BTAF1: variants seen among roughly 807,000 people sequenced by gnomAD.
BTAF1 encodes TATA-binding protein-associated factor 172.
In BTAF1, 38 loss-of-function variants were observed where a neutral mutation model predicts 227.1. The observed-to-expected ratio is 0.17, with a 90% CI of 0.13 to 0.22. The LOEUF is 0.22. Ranked by LOEUF, BTAF1 falls within the 10% of genes least tolerant of loss-of-function variation. The pLI is 1.00. For missense variants in BTAF1, 1,598 were observed against 2,204.0 expected, an observed-to-expected ratio of 0.73 and a Z score of 5.51; for synonymous variants, 742 against 751.9, an observed-to-expected ratio of 0.99 and a Z score of 0.21.
rs1269637330 is a variant in BTAF1, at chr10:92,029,027, A to G, written c.*94A>G. 2.6e-6 allele frequency: 3 copies of G among 1,135,944 alleles called. No homozygotes were observed. The highest frequency in any genetic ancestry group is 1.7e-5 in the South Asian group (1 of 58,518). The allele number at this position is 1,135,944 out of a possible 1,614,324, so 70.4% of individuals were successfully genotyped here. The stretch of plus-strand genomic sequence containing the variant: ...AAGTTTATGGTGAACTTTTAACTCA[A>G]TGTGTAAATAGATCTGGAGAATATT... On this transcript the variant is annotated 3_prime_UTR_variant, in exon 38 of 38. Coordinates refer to ENST00000265990, the MANE Select transcript of BTAF1 (RefSeq NM_003972.3).
rs1198665406 is a variant in BTAF1, at chr10:92,016,431, AACCAAAGCTTAAAGC to A, written c.4677_4691del (p.Lys1559_Ala1564delinsAsn). 6.3e-7 allele frequency: 1 copy of A among 1,591,996 alleles called. No individual in the cohort carries two copies. The highest frequency in any genetic ancestry group is 2.3e-5 in the East Asian group (1 of 43,972). On this transcript the variant is annotated inframe_deletion, in exon 33 of 38. Transcript: ENST00000265990. Reference sequence around the variant, plus strand: ...GCTACACTTTCTGAAGAAACTGAAAAACCAAAGCTTAAAGCTACAGGCCACGTATTCCAGGTATAG... The same window carrying A: ...GCTACACTTTCTGAAGAAACTGAAAATACAGGCCACGTATTCCAGGTATAG...
chr10:91,997,406 C>A (rs185511220), intron 24 of BTAF1, among the ~76,000 whole-genome samples, 197 bp from the exon 25 acceptor site: 2 of 152,244 alleles, frequency 1.3e-5, no homozygotes, highest in East Asian at 3.9e-4. Flanking sequence ...GAGAAAGTTA[C>A]ATAATATTTT....
intron 1 of BTAF1, among the ~76,000 whole-genome samples, chr10:91,928,139 A>C (rs1843998883): frequency 6.6e-6 from 1 of 152,020 alleles, no homozygotes; most frequent in African/African-American, 2.4e-5. Flanking sequence ...ATAATATAGT[A>C]AATTCTGTGA....
rs904163751 is a variant in BTAF1 at position 91,953,587 on chromosome 10, A to G, written c.565-150A>G. ...AAAAGACTGAAATTATGGTACAGTC[A>G]TACAACAAAAGAGTGTGAACCTGTC... is the stretch of plus-strand genomic sequence containing the variant. On this transcript the variant is annotated intron_variant, in intron 5 of 37. Transcript: ENST00000265990. 20 of 831,854 alleles carry G rather than the reference A, an allele frequency of 2.4e-5. No homozygotes were observed. The African/African-American group carries it at 2.6e-4, about 11-fold the overall frequency. The allele number at this position is 831,854 out of a possible 1,614,324, so 51.5% of individuals were successfully genotyped here.
chr10:91,932,628 G>A (rs967026269), intron 1 of BTAF1, among the ~76,000 whole-genome samples: 1 of 152,276 alleles, frequency 6.6e-6, no homozygotes, highest in East Asian at 1.9e-4. Flanking sequence ...ACAAATTAAT[G>A]TGAGAGATGC....
intron 19 of BTAF1, among the ~76,000 whole-genome samples, chr10:91,984,789 T>C (rs1354960405): frequency 2.0e-5 from 3 of 152,182 alleles, no homozygotes; most frequent in Non-Finnish European, 4.4e-5. Context: ...TGAAATTACA[T>C]AACACTCATA....
intron 25 of BTAF1, among the ~76,000 whole-genome samples, chr10:91,999,487 C>T (rs1159429215): frequency 6.6e-6 from 1 of 152,158 alleles, no homozygotes; most frequent in Non-Finnish European, 1.5e-5. Flanking sequence ...CTCTGCCTCC[C>T]GGGTTCAAGC....
intron 34 of BTAF1, among the ~76,000 whole-genome samples, chr10:92,021,831 A>G (rs1359074884): frequency 6.6e-6 from 1 of 152,152 alleles, no homozygotes; most frequent in Non-Finnish European, 1.5e-5. Context: ...GGTGTGAGCC[A>G]CCGTGTCTGG....
At chr10:92,010,839 A>G (rs1434949714) in intron 28 of BTAF1, among the ~76,000 whole-genome samples, 2 of 152,226 alleles carry the variant, frequency 1.3e-5, no homozygotes, top group African/African-American at 4.8e-5. Flanking sequence ...GTTGGCAAAT[A>G]AAGTTGAAAT....
chr10:92,013,189 TG>T (rs984972456), intron 30 of BTAF1, among the ~76,000 whole-genome samples: 12 of 152,184 alleles, frequency 7.9e-5, no homozygotes, highest in African/African-American at 2.9e-4. Flanking sequence ...TTTTTTTCCA[TG>T]AAACTTCGAT....
At chr10:91,976,077 G>A (rs1461781637) in intron 14 of BTAF1, among the ~76,000 whole-genome samples, 1 of 152,112 alleles carries the variant, frequency 6.6e-6, no homozygotes, top group East Asian at 1.9e-4. Flanking sequence ...CTGTAAACTG[G>A]GTTCCCCTGA....
At chr10:91,991,556 G>T (rs1171063742) in intron 20 of BTAF1, among the ~76,000 whole-genome samples, 1 of 151,026 alleles carries the variant, frequency 6.6e-6, no homozygotes, top group African/African-American at 2.4e-5. Flanking sequence ...TTTGAGACCA[G>T]CCTGGGCAAC....
In BTAF1 at chr10:91,992,316, A is replaced by C; in HGVS notation, c.3045+7A>C. The stretch of plus-strand genomic sequence containing the variant: ...TCTTGTTGAACTTGATGAGGTAAGT[A>C]GTTTTTTTTTTTTTTTAATGCTTTG... On this transcript the variant is annotated splice_region_variant and intron_variant, in intron 21 of 37. Coordinates refer to ENST00000265990, the MANE Select transcript of BTAF1 (RefSeq NM_003972.3). The C allele has an allele frequency of 6.6e-7, 1 of 1,513,248 alleles. No individual in the cohort carries two copies. Among genetic ancestry groups the C allele is most frequent in the Non-Finnish European group, 8.9e-7 (1 of 1,120,814 alleles). 93.7% of individuals were successfully genotyped at this position (1,513,248 alleles called of 1,614,324 possible).
intron 24 of BTAF1, chr10:91,997,002 T>C (rs1273703395): frequency 2.7e-6 from 2 of 732,080 alleles, no homozygotes; most frequent in Non-Finnish European, 4.1e-6. Flanking sequence ...TTATACTAGA[T>C]AATTAGAAAT....
intron 37 of BTAF1, among the ~76,000 whole-genome samples, chr10:92,028,081 G>T (rs1016552218): frequency 1.3e-5 from 2 of 152,152 alleles, no homozygotes; most frequent in African/African-American, 2.4e-5. Context: ...ATGGAGGCAG[G>T]TTCTTCAATC....
At chr10:91,957,352 A>C in intron 8 of BTAF1, 59 bp downstream of exon 8, 1 of 1,402,152 alleles carries the variant, frequency 7.1e-7, no homozygotes, top group Non-Finnish European at 1.0e-6. Flanking sequence ...TGAAGGGAAC[A>C]ATGTCAAGAG....
intron 14 of BTAF1, among the ~76,000 whole-genome samples, chr10:91,978,679 A>G (rs778840644): frequency 6.6e-6 from 1 of 151,988 alleles, no homozygotes; most frequent in Non-Finnish European, 1.5e-5. Flanking sequence ...GCAGGGGCTG[A>G]TAGGTACTTT....
intron 20 of BTAF1, 143 bp downstream of exon 20, chr10:91,989,723 ACT>A: frequency 1.2e-6 from 1 of 825,336 alleles, no homozygotes. Flanking sequence ...TTATAACAAA[ACT>A]CTTTGTTACA....
intron 22 of BTAF1, among the ~76,000 whole-genome samples, chr10:91,994,204 G>A (rs1214333403): frequency 6.6e-6 from 1 of 152,008 alleles, no homozygotes; most frequent in African/African-American, 2.4e-5. Context: ...GGAGGCTGAG[G>A]CAGGAGGATT....
Sources: allele counts gnomAD v4.1 joint callset (sites outside exome capture counted in the v4.1 genomes callset), GRCh38; gene constraint gnomAD v4.1.1; transcripts MANE v1.5; gene names NCBI Gene and HGNC (gene_info 2026-07-23, HGNC 2026-07-21).